ZNF490: variants seen among roughly 807,000 people sequenced by gnomAD.
ZNF490 encodes the protein zinc finger protein 490.
ZNF490 carries 11 observed loss-of-function variants against 17.7 expected under a neutral mutation model. That is an observed-to-expected ratio of 0.62 (90% CI 0.39 to 1.03). The LOEUF (loss-of-function observed/expected upper bound fraction) is 1.03. ZNF490 is among the 50% of genes least tolerant of loss of function. The pLI, the probability that ZNF490 is intolerant of heterozygous loss-of-function variation, is 0.00. For synonymous variants in ZNF490, 222 were observed against 216.1 expected (o/e 1.03, Z -0.24); for missense variants, 542 against 643.4 (o/e 0.84, Z 1.71).
At chr19:12,590,218 T>TG (rs924020789) in intron 2 of ZNF490, among the ~76,000 whole-genome samples, 6 of 145,482 alleles carry the variant, frequency 4.1e-5, no homozygotes, top group African/African-American at 1.5e-4. Flanking sequence ...CCTGGCCTTT[T>TG]TTTTTTTTTC....
At chr19:12,599,165 AAGAAAGAAAAG>A (rs2022972774) in intron 2 of ZNF490, among the ~76,000 whole-genome samples, 1 of 147,796 alleles carries the variant, frequency 6.8e-6, no homozygotes, top group Non-Finnish European at 1.5e-5. Context: ...AAAAAAAAGA[AAGAAAGAAAAG>A]AAAAAAAAAG....
Position 12,581,598 on chromosome 19 carries a change from A to G in ZNF490, c.477T>C (p.Ser159=), listed in dbSNP as rs754080525. The change falls in exon 5 of 5, where the codon AGT becomes AGC. Residue 159 remains serine, a synonymous_variant. Coordinates refer to ENST00000311437, the MANE Select transcript of ZNF490 (RefSeq NM_020714.3). ...TPTGLKPCDC[S]VCGEVFMHQV... Reference sequence around the variant, plus strand: ...GATGCATGAAGACTTCCCCACACACACTGCAGTCACATGGTTTTAATCCAG... The same window carrying G: ...GATGCATGAAGACTTCCCCACACACGCTGCAGTCACATGGTTTTAATCCAG... The G allele has an allele frequency of 6.2e-7, 1 of 1,613,974 alleles. No individual in the cohort carries two copies. The highest frequency in any genetic ancestry group is 8.5e-7 in the Non-Finnish European group (1 of 1,180,020).
At chr19:12,601,321 A>G (rs1599312355) in intron 2 of ZNF490, among the ~76,000 whole-genome samples, 1 of 151,734 alleles carries the variant, frequency 6.6e-6, no homozygotes, top group Non-Finnish European at 1.5e-5. Context: ...CCGGGAGGCG[A>G]AGGTTGCAAT....
rs8101987 is a variant in ZNF490, at chr19:12,576,542, G to C, written c.*3943C>G. 0.6 allele frequency among the ~76,000 whole-genome samples: 91,298 copies of C among 151,410 alleles called. 28,505 individuals are homozygous for C. The highest frequency in any genetic ancestry group is 0.69 in the Non-Finnish European group (46,827 of 67,870). On this transcript the variant is annotated 3_prime_UTR_variant, in exon 5 of 5. Transcript: ENST00000311437. ...AACAAACAAAATAACCAGCCAGGCA[G>C]AGTGGCTCACGCCTGTAATCCCAGC...
chr19:12,603,888 C>A (rs1379660656), intron 2 of ZNF490, among the ~76,000 whole-genome samples: 1 of 151,988 alleles, frequency 6.6e-6, no homozygotes, highest in African/African-American at 2.4e-5. Context: ...TATTCATAAC[C>A]ATCCCCTTTC....
rs774238359 is a variant in ZNF490, at chr19:12,610,599, CT to C, written c.81del (p.Gly28AlafsTer37). 1 of 1,614,040 alleles carries C rather than the reference CT, an allele frequency of 6.2e-7. No individual in the cohort carries two copies. Among genetic ancestry groups the C allele is most frequent in the Non-Finnish European group, 8.5e-7 (1 of 1,180,016 alleles). On this transcript the variant is annotated frameshift_variant, in exon 1 of 5. Transcript: ENST00000311437. LOFTEE classifies it high-confidence loss of function. The stretch of plus-strand genomic sequence containing the variant: ...TCAGACCCTCCTGTTCCTGTGCGGC[CT>C]TGACTAGACGACCACTTGCTCTGGA... ...EQVQSKWSSS[Q>X]GRTGTGGSDV...
chr19:12,596,805 A>C (rs2022939258), intron 2 of ZNF490, among the ~76,000 whole-genome samples: 1 of 152,132 alleles, frequency 6.6e-6, no homozygotes, highest in Non-Finnish European at 1.5e-5. Context: ...CTGCAAAAAA[A>C]ATGTTCCCTC....
chr19:12,582,483 C>T lies in ZNF490; in HGVS notation c.350+367G>A, dbSNP rs373956737. On this transcript the variant is annotated intron_variant, in intron 4 of 4. Coordinates refer to ENST00000311437, the MANE Select transcript of ZNF490 (RefSeq NM_020714.3). ...GATCTCAGCTCACTGCAACCTCCAC[C>T]TCCCAGGTTCAAGCGATTCTCCTGC... 5.3e-5 allele frequency among the ~76,000 whole-genome samples: 8 copies of T among 152,240 alleles called. No homozygotes were observed. In the East Asian group the frequency reaches 9.7e-4, roughly 18 times the overall value.
At position 12,580,958 on chromosome 19, in the gene ZNF490, A is replaced by G. The variant is rs2022723745; in HGVS notation, c.1117T>C (p.Ser373Pro). 6.2e-7 allele frequency: 1 copy of G among 1,614,170 alleles called. No homozygotes were observed. Among genetic ancestry groups the G allele is most frequent in the Non-Finnish European group, 8.5e-7 (1 of 1,180,042 alleles). Residue 373 changes from serine to proline, a missense_variant, in exon 5 of 5, where the codon TCA becomes CCA. By Grantham distance (74) the Ser-to-Pro change is moderately conservative. Transcript: ENST00000311437. ...TCGTGCACTTCACAGGAACTAGATG[A>G]CTTGAAGGCTTCCCCACATTTCTTA... Reference protein sequence around the residue: ...TCKKCGEAFKSSSSCEVHERT... With the variant: ...TCKKCGEAFKPSSSCEVHERT...
At chr19:12,609,582 G>A (rs556461891) in intron 1 of ZNF490, among the ~76,000 whole-genome samples, 7 of 152,120 alleles carry the variant, frequency 4.6e-5, no homozygotes. Flanking sequence ...ATGGGGTCTC[G>A]CTATGTTGCC....
chr19:12,594,558 T>C (rs2022911126), intron 2 of ZNF490, among the ~76,000 whole-genome samples: 1 of 152,042 alleles, frequency 6.6e-6, no homozygotes, highest in South Asian at 2.1e-4. Context: ...ACTTAAACAG[T>C]GTCTAGAGCC....
intron 4 of ZNF490, 41 bp downstream of exon 4, chr19:12,582,809 T>G (rs755905454): frequency 7.0e-7 from 1 of 1,422,694 alleles, no homozygotes; most frequent in African/African-American, 1.4e-5. Flanking sequence ...AATACTAAGA[T>G]TCTCTCAGGG....
chr19:12,601,280 C>T (rs1188791709), intron 2 of ZNF490, among the ~76,000 whole-genome samples: 10 of 149,660 alleles, frequency 6.7e-5, no homozygotes, highest in African/African-American at 9.8e-5. Context: ...CCCAGCTACT[C>T]GGGAGGCTGA....
chr19:12,599,023 G>T (rs548279797), intron 2 of ZNF490, among the ~76,000 whole-genome samples: 12 of 146,828 alleles, frequency 8.2e-5, no homozygotes, highest in Admixed American at 6.1e-4. Context: ...TGGTGGCGGG[G>T]TGCCTGTGAT....
At chr19:12,596,744 G>C (rs1305465906) in intron 2 of ZNF490, among the ~76,000 whole-genome samples, 1 of 152,092 alleles carries the variant, frequency 6.6e-6, no homozygotes, top group Non-Finnish European at 1.5e-5. Context: ...GGGCATCTGA[G>C]CAGCCACAGG....
At chr19:12,595,710 G>A (rs1431664172) in intron 2 of ZNF490, among the ~76,000 whole-genome samples, 3 of 152,030 alleles carry the variant, frequency 2.0e-5, no homozygotes, top group Non-Finnish European at 4.4e-5. Context: ...AGCACTTTGG[G>A]AGGCTGAGGC....
chr19:12,583,349 T>C, intron 3 of ZNF490, 81 bp downstream of exon 3: 3 of 1,462,688 alleles, frequency 2.1e-6, no homozygotes, highest in Non-Finnish European at 2.7e-6. Context: ...CCTTCCCCCA[T>C]TTTAAACCTT....
At position 12,610,588 on chromosome 19, in the gene ZNF490, T is replaced by C. The variant is rs767049619; in HGVS notation, c.93A>G (p.Gly31=). Residue 31 remains glycine (G), a synonymous_variant, in exon 1 of 5, where the codon GGA becomes GGG. Coordinates refer to ENST00000311437, the MANE Select transcript of ZNF490 (RefSeq NM_020714.3). Reference sequence around the variant, plus strand: ...CCTGGAGGACATCAGACCCTCCTGTTCCTGTGCGGCCTTGACTAGACGACC... The same window carrying C: ...CCTGGAGGACATCAGACCCTCCTGTCCCTGTGCGGCCTTGACTAGACGACC... ...SKWSSSQGRT[G]TGGSDVLQMQ... is the part of the protein sequence containing the mutation. 1 of 1,613,978 alleles carries C rather than the reference T, an allele frequency of 6.2e-7. No individual in the cohort carries two copies. Among genetic ancestry groups the C allele is most frequent in the Non-Finnish European group, 8.5e-7 (1 of 1,179,984 alleles).
At position 12,583,811 on chromosome 19, in the gene ZNF490, A is replaced by ATTTT. The variant is rs879747918; in HGVS notation, c.163-259_163-256dup. Among the ~76,000 whole-genome samples, 33 of 78,658 alleles carry ATTTT rather than the reference A, an allele frequency of 4.2e-4. 1 individual carries two copies. Among genetic ancestry groups the ATTTT allele is most frequent in the Admixed American group, 8.2e-4 (4 of 4,854 alleles). 51.6% of individuals were successfully genotyped at this position (78,658 alleles called of 152,430 possible). On this transcript the variant is annotated intron_variant, in intron 2 of 4. Transcript: ENST00000311437. ...TCTCTCTATATATATATATATATATATTTTTTTTTTTTTTTTTTTGAAACA... is the reference window on the plus strand; with the variant it reads ...TCTCTCTATATATATATATATATATATTTTTTTTTTTTTTTTTTTTTTTGAAACA...
Sources: allele counts gnomAD v4.1 joint callset (sites outside exome capture counted in the v4.1 genomes callset), GRCh38; gene constraint gnomAD v4.1.1; transcripts MANE v1.5; gene names NCBI Gene and HGNC (gene_info 2026-07-23, HGNC 2026-07-21).